The following ANKRD31 variants were observed in gnomAD, a reference collection of about 807,000 sequenced individuals.
ANKRD31 encodes ankyrin repeat domain-containing protein 31.
A neutral mutation model predicts 186.0 loss-of-function variants in ANKRD31; 147 were observed. That is an observed-to-expected ratio of 0.79 (90% CI 0.69 to 0.91). The LOEUF is 0.91. ANKRD31 is among the 40% of genes least tolerant of loss of function. ANKRD31 has a pLI of 0.00. For missense variants in ANKRD31, 1,986 were observed against 2,148.8 expected (o/e 0.92, Z 1.50); for synonymous variants, 673 against 736.4 (o/e 0.91, Z 1.39).
At chr5:75,154,594 G>A (rs950971401) in intron 11 of ANKRD31, among the ~76,000 whole-genome samples, 1 of 151,970 alleles carries the variant, frequency 6.6e-6, no homozygotes, top group South Asian at 2.1e-4. Context: ...GAAAAAGAAA[G>A]AAGGAGGGAA....
intron 19 of ANKRD31, among the ~76,000 whole-genome samples, chr5:75,114,348 A>G (rs1748028985): frequency 6.6e-6 from 1 of 152,180 alleles, no homozygotes; most frequent in Non-Finnish European, 1.5e-5. Context: ...AGAAGTAGCC[A>G]AAGAACTCAA....
At chr5:75,164,903 C>T (rs1752816225) in intron 11 of ANKRD31, among the ~76,000 whole-genome samples, 1 of 152,106 alleles carries the variant, frequency 6.6e-6, no homozygotes, top group Admixed American at 6.5e-5. Context: ...TCGTATCTAC[C>T]ATTGCTTTCA....
intron 5 of ANKRD31, among the ~76,000 whole-genome samples, chr5:75,202,760 T>C (rs1580547338): frequency 6.6e-6 from 1 of 152,180 alleles, no homozygotes; most frequent in Admixed American, 6.5e-5. Context: ...ATTTAACCTA[T>C]AGTCTGGAAT....
At chr5:75,167,894 G>A (rs1753036281) in intron 11 of ANKRD31, among the ~76,000 whole-genome samples, 1 of 152,136 alleles carries the variant, frequency 6.6e-6, no homozygotes, top group African/African-American at 2.4e-5. Flanking sequence ...AATGGGCTAT[G>A]GTGTTAGACA....
At chr5:75,128,932 T>G (rs1270040545) in intron 17 of ANKRD31, among the ~76,000 whole-genome samples, 6 of 152,166 alleles carry the variant, frequency 3.9e-5, no homozygotes, top group Non-Finnish European at 8.8e-5. Flanking sequence ...ATTTGTCTAT[T>G]CTTTTTAAAT....
At chr5:75,182,402 C>T (rs1754383273) in intron 10 of ANKRD31, among the ~76,000 whole-genome samples, 2 of 152,008 alleles carry the variant, frequency 1.3e-5, no homozygotes, top group African/African-American at 2.4e-5. Context: ...GCTCAAACTA[C>T]AATAAAAATT....
At position 75,236,626 on chromosome 5, in the gene ANKRD31, C is replaced by T. The variant is rs1758292209; in HGVS notation, c.61G>A (p.Val21Met). 1 of 1,537,308 alleles carries T rather than the reference C, an allele frequency of 6.5e-7. No homozygotes were observed. The highest frequency in any genetic ancestry group is 8.7e-7 in the Non-Finnish European group (1 of 1,146,940). ...TTTTCTTCCAGGTCGCTCTCCGTCA[C>T]TGAACCCTCTATCACAGTTTCATCA... ...DSDETVIEGS[V>M]TESDLEEKEL... Residue 21 changes from valine to methionine, a missense_variant, in exon 1 of 26, where the codon GTG (valine) becomes ATG (methionine). Coordinates refer to ENST00000506364, the MANE Select transcript of ANKRD31 (RefSeq NM_001372053.1).
intron 12 of ANKRD31, among the ~76,000 whole-genome samples, chr5:75,152,867 G>C (rs894078457): frequency 2.0e-5 from 3 of 151,854 alleles, no homozygotes; most frequent in African/African-American, 4.8e-5. Context: ...AAAAATATAT[G>C]CATAGATTTT....
chr5:75,146,417 A>C lies in ANKRD31; in HGVS notation c.2994T>G (p.Phe998Leu). ...NYEQCIFGPS[F>L]DHSNGNPEQN... ...GCTCAGGATTGCCATTTGAGTGATC[A>C]AAAGAAGGTCCAAATATGCATTGTT... Residue 998 changes from phenylalanine (F) to leucine (L), a missense_variant, in exon 14 of 26, where the codon TTT (phenylalanine) becomes TTG (leucine). Phe to Leu is a conservative substitution (Grantham distance 22). Coordinates refer to ENST00000506364, the MANE Select transcript of ANKRD31 (RefSeq NM_001372053.1). 6.5e-7 allele frequency: 1 copy of C among 1,536,576 alleles called. No individual in the cohort carries two copies. The highest frequency in any genetic ancestry group is 8.7e-7 in the Non-Finnish European group (1 of 1,146,498).
In ANKRD31 at chr5:75,146,957, ACTAT is replaced by A; in HGVS notation, c.2450_2453del (p.Asp817ValfsTer9). The A allele has an allele frequency of 6.5e-7, 1 of 1,536,392 alleles. No individual in the cohort carries two copies. ...CTAATTCCAAGCATTGAACTTCTTG[ACTAT>A]CTGATAAATCCAGGTTCTGGATGTG... On this transcript the variant is annotated frameshift_variant, in exon 14 of 26. Coordinates refer to ENST00000506364, the MANE Select transcript of ANKRD31 (RefSeq NM_001372053.1). LOFTEE classifies it high-confidence loss of function.
chr5:75,102,049 C>T (rs150783721), intron 22 of ANKRD31, among the ~76,000 whole-genome samples: 2,692 of 152,266 alleles, frequency 0.018, 42 homozygotes, highest in Middle Eastern at 0.041. Flanking sequence ...TGGTTTCTCC[C>T]CATCTTTGTG....
chr5:75,136,787 G>A (rs1018754040), intron 17 of ANKRD31, among the ~76,000 whole-genome samples: 1 of 152,152 alleles, frequency 6.6e-6, no homozygotes, highest in Non-Finnish European at 1.5e-5. Context: ...ATGATAGAGT[G>A]GATTAAGAAA....
intron 25 of ANKRD31, among the ~76,000 whole-genome samples, chr5:75,078,829 T>C (rs1744861662): frequency 6.6e-6 from 1 of 152,164 alleles, no homozygotes; most frequent in African/African-American, 2.4e-5. Flanking sequence ...ATTCCCTCAA[T>C]AACACAGAAG....
intron 15 of ANKRD31, among the ~76,000 whole-genome samples, chr5:75,140,434 T>C (rs187209280): frequency 3.5e-4 from 53 of 152,188 alleles, no homozygotes; most frequent in African/African-American, 1.2e-3. Context: ...AAATCAGTGG[T>C]ATCGGCACCA....
rs562828823 is a variant in ANKRD31 at position 75,148,586 on chromosome 5, T to C, written c.1895A>G (p.Tyr632Cys). 87 of 1,524,630 alleles carry C rather than the reference T, an allele frequency of 5.7e-5. No homozygotes were observed. In the South Asian group the frequency reaches 8.9e-4, roughly 16 times the overall value. The allele number at this position is 1,524,630 out of a possible 1,614,324, so 94.4% of individuals were successfully genotyped here. ...TAAACATAGATATACCTTGTGTTGG[T>C]ACACATCCTCTATGTCTAGTGGGTC... The part of the protein sequence containing the change: ...SIDPLDIEDV[Y>C]QHKKPKFSSK... The change falls in exon 13 of 26, where the codon TAC becomes TGC. Residue 632 changes from tyrosine to cysteine, a missense_variant. Transcript: ENST00000506364.
chr5:75,106,346 G>A (rs961248264), intron 21 of ANKRD31, among the ~76,000 whole-genome samples: 5 of 152,134 alleles, frequency 3.3e-5, no homozygotes, highest in Admixed American at 3.3e-4. Context: ...CAATAATATA[G>A]ATATATCTTG....
intron 21 of ANKRD31, among the ~76,000 whole-genome samples, chr5:75,105,698 A>G (rs1352898542): frequency 1.3e-5 from 2 of 152,174 alleles, no homozygotes; most frequent in Non-Finnish European, 2.9e-5. Flanking sequence ...GCTTTGGAAG[A>G]ACAAGATTGT....
chr5:75,222,696 G>T (rs1397057789), intron 2 of ANKRD31, among the ~76,000 whole-genome samples: 2 of 152,128 alleles, frequency 1.3e-5, no homozygotes, highest in African/African-American at 4.8e-5. Flanking sequence ...GTGAGAACAT[G>T]CAGTGTTTGG....
At chr5:75,198,621 G>C (rs114707760) in intron 6 of ANKRD31, among the ~76,000 whole-genome samples, 64 of 152,284 alleles carry the variant, frequency 4.2e-4, no homozygotes, top group African/African-American at 1.4e-3. Context: ...TGGAAATAAT[G>C]ATATAGTTAG....
Sources: allele counts gnomAD v4.1 joint callset (sites outside exome capture counted in the v4.1 genomes callset), GRCh38; gene constraint gnomAD v4.1.1; transcripts MANE v1.5; gene names NCBI Gene and HGNC (gene_info 2026-07-23, HGNC 2026-07-21).